The following ERAP2 variants were observed in gnomAD, a reference collection of about 807,000 sequenced individuals.
ERAP2 encodes leukocyte-derived arginine aminopeptidase.
A neutral mutation model predicts 111.1 loss-of-function variants in ERAP2; 118 were observed. The ratio of observed to expected loss-of-function variants is 1.06; its 90% CI spans 0.92 to 1.24. The LOEUF is 1.24. ERAP2 is among the 50% of genes most tolerant of loss of function. The pLI is 0.00. For synonymous variants in ERAP2, 410 were observed against 401.2 expected, an observed-to-expected ratio of 1.02 and a Z score of -0.26; for missense variants, 1,131 against 1,125.8, an observed-to-expected ratio of 1.00 and a Z score of -0.07.
chr5:96,878,485 C>T (rs974790436), intron 1 of ERAP2, among the ~76,000 whole-genome samples: 1 of 152,064 alleles, frequency 6.6e-6, no homozygotes, highest in Admixed American at 6.6e-5. Context: ...AAAATAGAGA[C>T]ATCTTGCACA....
intron 15 of ERAP2, among the ~76,000 whole-genome samples, chr5:96,911,723 A>G (rs185863755): frequency 2.0e-5 from 3 of 151,940 alleles, no homozygotes; most frequent in East Asian, 3.9e-4. Flanking sequence ...AAATTTAAAA[A>G]TTAGCCGGGC....
intron 3 of ERAP2, among the ~76,000 whole-genome samples, chr5:96,886,336 A>C (rs922127529): frequency 2.0e-5 from 3 of 152,276 alleles, no homozygotes; most frequent in African/African-American, 7.2e-5. Context: ...AATTGATGCC[A>C]GTGTTGGAAA....
At position 96,915,678 on chromosome 5, in the gene ERAP2, T is replaced by C; in HGVS notation, c.2658-10T>C. The C allele has an allele frequency of 6.6e-7, 1 of 1,506,164 alleles. No homozygotes were observed. The highest frequency in any genetic ancestry group is 8.9e-7 in the Non-Finnish European group (1 of 1,125,926). The allele number at this position is 1,506,164 out of a possible 1,614,324, so 93.3% of individuals were successfully genotyped here. A position where few individuals can be genotyped will look rare whatever the true frequency, so the allele number is the denominator to read the frequency against. Reference sequence around the variant, plus strand: ...CTATGACTTTCTATGGTGTTTCTTTTTATTTTCAGATTTGACTTGGGCTCA... The same window carrying C: ...CTATGACTTTCTATGGTGTTTCTTTCTATTTTCAGATTTGACTTGGGCTCA... On this transcript the variant is annotated splice_polypyrimidine_tract_variant and intron_variant, in intron 17 of 18. Coordinates refer to ENST00000437043, the MANE Select transcript of ERAP2 (RefSeq NM_022350.5).
Position 96,909,035 on chromosome 5 carries a change from T to C in ERAP2, c.2087T>C (p.Leu696Pro). Reference protein sequence around the residue: ...YLQHETSSPALLEGLSYLESF... With the variant: ...YLQHETSSPAPLEGLSYLESF... ...CAACATGAAACAAGCAGCCCCGCAC[T>C]TCTCGAAGGTCTGAGTTACTTGGAA... The change falls in exon 14 of 19, where the codon CTT becomes CCT. Residue 696 changes from leucine (L) to proline (P), a missense_variant. Leu to Pro is a moderately conservative substitution (Grantham distance 98). Coordinates refer to ENST00000437043, the MANE Select transcript of ERAP2 (RefSeq NM_022350.5). The C allele has an allele frequency of 1.2e-6, 2 of 1,614,174 alleles. No homozygotes were observed. The highest frequency in any genetic ancestry group is 1.1e-5 in the South Asian group (1 of 91,090).
At chr5:96,896,298 T>C in intron 7 of ERAP2, 75 bp from the exon 8 acceptor site, 2 of 1,216,592 alleles carry the variant, frequency 1.6e-6, no homozygotes, top group Non-Finnish European at 2.3e-6. Context: ...AACATCTTAC[T>C]AAACCTACTA....
chr5:96,902,354 G>C lies in ERAP2; in HGVS notation c.1828+1G>C, dbSNP rs767274739. 6.3e-7 allele frequency: 1 copy of C among 1,599,638 alleles called. No homozygotes were observed. The highest frequency in any genetic ancestry group is 8.6e-7 in the Non-Finnish European group (1 of 1,167,288). On this transcript the variant is annotated splice_donor_variant, in intron 12 of 18. Coordinates refer to ENST00000437043, the MANE Select transcript of ERAP2 (RefSeq NM_022350.5). LOFTEE classifies it high-confidence loss of function. Reference sequence around the variant, plus strand: ...AGACACATTCTAAAATCAAAGACAGGTAATGAACTAATTAGCCAAACAGGT... The same window carrying C: ...AGACACATTCTAAAATCAAAGACAGCTAATGAACTAATTAGCCAAACAGGT...
chr5:96,898,541 A>T, intron 9 of ERAP2, among the ~76,000 whole-genome samples: 1 of 148,878 alleles, frequency 6.7e-6, no homozygotes, highest in Non-Finnish European at 1.5e-5. Flanking sequence ...CAGTCTGGCC[A>T]ACATGGTGAA....
In ERAP2 at chr5:96,879,599, C is replaced by A; in HGVS notation, c.-87C>A. ...TGTATTGAAAATATTGTTCAGACCC[C>A]ATGTGACATAACTGGAGCCAGTGCA... On this transcript the variant is annotated 5_prime_UTR_variant, in exon 2 of 19. Transcript: ENST00000437043. 1.0e-6 allele frequency: 1 copy of A among 1,002,190 alleles called. No individual in the cohort carries two copies. Among genetic ancestry groups the A allele is most frequent in the Non-Finnish European group, 1.5e-6 (1 of 653,030 alleles). The allele number at this position is 1,002,190 out of a possible 1,614,324, so 62.1% of individuals were successfully genotyped here. A position where few individuals can be genotyped will look rare whatever the true frequency, so the allele number is the denominator to read the frequency against.
chr5:96,903,232 C>A, intron 12 of ERAP2, 145 bp from the exon 13 acceptor site: 1 of 592,794 alleles, frequency 1.7e-6, no homozygotes, highest in Non-Finnish European at 2.8e-6. Flanking sequence ...ATCCAGTGAA[C>A]TACGAAAATG....
Position 96,915,731 on chromosome 5 carries a change from A to C in ERAP2, c.2701A>C (p.Thr901Pro), listed in dbSNP as rs755975216. ...TGACATAAGGATGATCATCTCTGGC[A>C]CAACAGCTCACTTTTCTTCCAAGGA... is the stretch of plus-strand genomic sequence containing the variant. ...SYDIRMIISG[T>P]TAHFSSKDKL... Residue 901 changes from threonine to proline, a missense_variant, in exon 18 of 19, where the codon ACA (threonine) becomes CCA (proline). By Grantham distance (38) the Thr-to-Pro change is conservative. Around this residue, in one of 3 missense-constraint regions of ERAP2, gnomAD observed 279 missense variants for 250.9 expected, o/e 1.11. Coordinates refer to ENST00000437043, the MANE Select transcript of ERAP2 (RefSeq NM_022350.5). 1 of 1,600,092 alleles carries C rather than the reference A, an allele frequency of 6.2e-7. No homozygotes were observed. The highest frequency in any genetic ancestry group is 1.1e-5 in the South Asian group (1 of 88,508).
intron 10 of ERAP2, 84 bp downstream of exon 10, chr5:96,900,273 C>T (rs1053814928): frequency 2.6e-6 from 4 of 1,515,046 alleles, no homozygotes; most frequent in Admixed American, 4.0e-5. Context: ...AGTAGCCCAC[C>T]TGTCCCTTTT....
intron 1 of ERAP2, among the ~76,000 whole-genome samples, chr5:96,877,715 C>T (rs1303457465): frequency 1.4e-5 from 2 of 143,662 alleles, no homozygotes; most frequent in Non-Finnish European, 3.0e-5. Flanking sequence ...CTCAGACCCA[C>T]ATAATAAGCC....
In ERAP2 at chr5:96,883,862, T is replaced by C; in HGVS notation, c.646T>C (p.Phe216Leu). Residue 216 changes from phenylalanine (F) to leucine (L), a missense_variant, in exon 3 of 19, where the codon TTC becomes CTC. Coordinates refer to ENST00000437043, the MANE Select transcript of ERAP2 (RefSeq NM_022350.5). ...MAFPCFDEPL[F>L]KANFSIKIRR... ...TTTCCCTTGCTTTGATGAACCGTTG[T>C]TCAAAGCCAACTTTTCAATCAAGAT... 6.2e-7 allele frequency: 1 copy of C among 1,613,940 alleles called. No individual in the cohort carries two copies. The highest frequency in any genetic ancestry group is 8.5e-7 in the Non-Finnish European group (1 of 1,179,892).
In ERAP2 at chr5:96,896,798, C is replaced by T. The variant is rs149483732; in HGVS notation, c.1438C>T (p.Gln480Ter). 150 of 1,360,784 alleles carry T rather than the reference C, an allele frequency of 1.1e-4. No homozygotes were observed. The highest frequency in any genetic ancestry group is 1.4e-4 in the Non-Finnish European group (142 of 1,042,982). The allele number at this position is 1,360,784 out of a possible 1,614,324, so 84.3% of individuals were successfully genotyped here. ...GGAGAAATTCCAGAAAGGAATAATT[C>T]AGTACTTAAAGAAGTTCAGCTATAG... is the stretch of plus-strand genomic sequence containing the variant. ...GEEKFQKGII[Q>*]YLKKFSYRNA... The change falls in exon 9 of 19, where the codon CAG becomes TAG. Residue 480 changes from glutamine to a stop codon, truncating the protein, a stop_gained. Coordinates refer to ENST00000437043, the MANE Select transcript of ERAP2 (RefSeq NM_022350.5). LOFTEE classifies it high-confidence loss of function.
chr5:96,902,475 T>A, intron 12 of ERAP2, 122 bp downstream of exon 12: 1 of 638,256 alleles, frequency 1.6e-6, no homozygotes, highest in South Asian at 2.1e-5. Context: ...AGGGAAGTTG[T>A]CATTTATCCA....
intron 5 of ERAP2, 144 bp downstream of exon 5, chr5:96,889,449 G>T: frequency 1.1e-6 from 1 of 896,894 alleles, no homozygotes. Flanking sequence ...CCTCAGAGAT[G>T]ATTCTTGAGT....
At chr5:96,893,147 C>G (rs1329996266) in intron 6 of ERAP2, among the ~76,000 whole-genome samples, 1 of 152,094 alleles carries the variant, frequency 6.6e-6, no homozygotes, top group Admixed American at 6.6e-5. Flanking sequence ...GGCCATCTAT[C>G]AACACTGTAT....
rs762510141 is a variant in ERAP2 at position 96,912,680 on chromosome 5, C to CA, written c.2399dup (p.Thr801AspfsTer13). 27 of 1,610,190 alleles carry CA rather than the reference C, an allele frequency of 1.7e-5. No homozygotes were observed. The East Asian group carries it at 5.6e-4, about 34-fold the overall frequency. On this transcript the variant is annotated frameshift_variant, in exon 16 of 19. Transcript: ENST00000437043. LOFTEE classifies it high-confidence loss of function. ...AAAGATTGTGTATTCTGTGGGTGCT[C>CA]AGACAACAGCAGGATGGAATTACCT...
rs370280749 is a variant in ERAP2, at chr5:96,909,039, C to T, written c.2091C>T (p.Leu697=). ...ATGAAACAAGCAGCCCCGCACTTCT[C>T]GAAGGTCTGAGTTACTTGGAATCGT... is the stretch of plus-strand genomic sequence containing the variant. ...LQHETSSPAL[L]EGLSYLESFY... is the part of the protein sequence containing the mutation. Residue 697 remains leucine (L), a synonymous_variant, in exon 14 of 19, where the codon CTC becomes CTT. Coordinates refer to ENST00000437043, the MANE Select transcript of ERAP2 (RefSeq NM_022350.5). The T allele has an allele frequency of 1.1e-5, 18 of 1,614,010 alleles. No homozygotes were observed. The African/African-American group carries it at 2.1e-4, about 19-fold the overall frequency.
Sources: allele counts gnomAD v4.1 joint callset (sites outside exome capture counted in the v4.1 genomes callset), GRCh38; gene constraint gnomAD v4.1.1; regional missense constraint gnomAD v4.1.1; transcripts MANE v1.5; gene names NCBI Gene and HGNC (gene_info 2026-07-23, HGNC 2026-07-21).